Variants in OR10R2 observed in about 807,000 individuals in gnomAD.
OR10R2 encodes the protein olfactory receptor 10R2.
Under a neutral mutation model 2.4 loss-of-function variants are expected in OR10R2, and 1 was observed. The ratio of observed to expected loss-of-function variants is 0.41; its 90% CI spans 0.15 to 1.95. The LOEUF is 1.95. Among genes scored for constraint, OR10R2 ranks in the 30% most tolerant of loss-of-function variants. The probability of loss-of-function intolerance (pLI) is 0.30; values close to 1 mark genes in which losing one functional copy is unlikely to be tolerated. For synonymous variants in OR10R2, 166 were observed against 144.8 expected (o/e 1.15, Z -1.05); for missense variants, 419 against 373.0 (o/e 1.12, Z -1.01).
Position 158,480,385 on chromosome 1 carries a change from ATTGGTGGCTTC to A in OR10R2, c.480_490del (p.Gly161LeufsTer15). ...TGGAAAACTGGCAGCTGCCTGTGCA[ATTGGTGGCTTC>A]TTGGCCTCTCTTACAGTAGTAAATT... On this transcript the variant is annotated frameshift_variant, in exon 2 of 2. Coordinates refer to ENST00000641067, the Ensembl canonical transcript of OR10R2. LOFTEE classifies it low-confidence loss of function (END_TRUNC). 1 of 1,614,100 alleles carries A rather than the reference ATTGGTGGCTTC, an allele frequency of 6.2e-7. No individual in the cohort carries two copies. The highest frequency in any genetic ancestry group is 1.1e-5 in the South Asian group (1 of 91,082).
chr1:158,475,240 A>G (rs1656249168), intron 1 of OR10R2, among the ~76,000 whole-genome samples: 2 of 152,156 alleles, frequency 1.3e-5, no homozygotes, highest in Non-Finnish European at 2.9e-5. Flanking sequence ...ACAATTTTCA[A>G]TTTTTCCCTA....
chr1:158,476,269 TG>T, intron 1 of OR10R2, among the ~76,000 whole-genome samples: 1 of 151,970 alleles, frequency 6.6e-6, no homozygotes, highest in Non-Finnish European at 1.5e-5. Flanking sequence ...TTAAGTAGGC[TG>T]GGCGCAGTGG....
At chr1:158,479,778 G>A (rs964203645) in intron 1 of OR10R2, 160 bp from the exon 2 acceptor site, 2 of 690,500 alleles carry the variant, frequency 2.9e-6, no homozygotes, top group Non-Finnish European at 5.1e-6. Flanking sequence ...GGAAGAAGAG[G>A]ACCATGAACC....
chr1:158,478,588 A>G (rs1237276661), intron 1 of OR10R2, among the ~76,000 whole-genome samples: 3 of 152,120 alleles, frequency 2.0e-5, no homozygotes, highest in African/African-American at 4.8e-5. Flanking sequence ...TCAAACCCCA[A>G]TTTTCATTTT....
intron 1 of OR10R2, among the ~76,000 whole-genome samples, chr1:158,478,665 T>G (rs1656319805): frequency 1.3e-5 from 2 of 152,158 alleles, no homozygotes; most frequent in Non-Finnish European, 2.9e-5. Context: ...GACTCTACAA[T>G]GGACCATGTT....
exon 1 of OR10R2, chr1:158,472,342 G>A (rs747050858): frequency 2.5e-5 from 10 of 398,892 alleles, no homozygotes; most frequent in Non-Finnish European, 4.4e-5. Context: ...ACTGTTCTGG[G>A]GAGCGAAGTA....
Position 158,479,743 on chromosome 1 carries a change from A to T in OR10R2, c.28-195A>T, listed in dbSNP as rs1656344151. On this transcript the variant is annotated intron_variant, in intron 1 of 1. Transcript: ENST00000641067. ...GAGAATCAGAAAGTCAGAGAAAGAG[A>T]TGTAACTTTGTTGACTTTGAAGATG... 3 of 618,332 alleles carry T rather than the reference A, an allele frequency of 4.9e-6. No homozygotes were observed. The South Asian group carries it at 6.1e-5, about 13-fold the overall frequency. 38.3% of individuals were successfully genotyped at this position (618,332 alleles called of 1,614,324 possible). A position where few individuals can be genotyped will look rare whatever the true frequency, so the allele number is the denominator to read the frequency against.
chr1:158,476,311 T>C (rs147672070), intron 1 of OR10R2, among the ~76,000 whole-genome samples: 2,009 of 151,710 alleles, frequency 0.013, 97 homozygotes, highest in East Asian at 0.086. Flanking sequence ...ACTTTGGGAG[T>C]CCGAGGTGGG....
chr1:158,479,222 T>C (rs1299273455), intron 1 of OR10R2, among the ~76,000 whole-genome samples: 1 of 152,174 alleles, frequency 6.6e-6, no homozygotes, highest in Non-Finnish European at 1.5e-5. Flanking sequence ...TGATTTCTTT[T>C]CATATAAATT....
exon 2 of OR10R2, chr1:158,480,689 A>G: frequency 2.5e-6 from 4 of 1,613,696 alleles, no homozygotes; most frequent in Non-Finnish European, 3.4e-6. Flanking sequence ...GTTATTGTTC[A>G]TTATGGCTGT....
intron 1 of OR10R2, among the ~76,000 whole-genome samples, chr1:158,475,525 T>C (rs1656253690): frequency 6.6e-6 from 1 of 151,968 alleles, no homozygotes; most frequent in African/African-American, 2.4e-5. Context: ...TTTTTATATG[T>C]TTGATGCATT....
At chr1:158,479,894 T>G (rs543828261) in intron 1 of OR10R2, 44 bp from the exon 2 acceptor site, 2 of 1,607,644 alleles carry the variant, frequency 1.2e-6, no homozygotes, top group Non-Finnish European at 1.7e-6. Context: ...CAAATTCTTA[T>G]ATTCACATAC....
Position 158,480,863 on chromosome 1 carries a change from G to T in OR10R2, c.953G>T (p.Gly318Val), listed in dbSNP as rs146648216. Reference sequence around the variant, plus strand: ...ATCAGAAAAGTGTTGGGCAAGAAAGGTTCTCTAAAACTATATAATTGAAAT... The same window carrying T: ...ATCAGAAAAGTGTTGGGCAAGAAAGTTTCTCTAAAACTATATAATTGAAAT... The change falls in exon 2 of 2, where the codon GGT becomes GTT. Residue 318 changes from glycine (G) to valine (V), a missense_variant. Transcript: ENST00000641067. The T allele has an allele frequency of 1.4e-4, 207 of 1,501,008 alleles. No individual in the cohort carries two copies. The African/African-American group carries it at 2.2e-3, about 16-fold the overall frequency. 93.0% of individuals were successfully genotyped at this position (1,501,008 alleles called of 1,614,324 possible). A position where few individuals can be genotyped will look rare whatever the true frequency, so the allele number is the denominator to read the frequency against.
chr1:158,475,547 T>C (rs1359899533), intron 1 of OR10R2, among the ~76,000 whole-genome samples: 2 of 151,930 alleles, frequency 1.3e-5, no homozygotes, highest in African/African-American at 4.8e-5. Flanking sequence ...TATTTCTATT[T>C]TATAAACTGT....
chr1:158,479,363 G>A (rs1451292832), intron 1 of OR10R2, among the ~76,000 whole-genome samples: 2 of 152,070 alleles, frequency 1.3e-5, no homozygotes, highest in African/African-American at 4.8e-5. Flanking sequence ...GAACATGGGT[G>A]TTCTTCATTT....
At chr1:158,472,392 T>C in intron 1 of OR10R2, 40 bp downstream of exon 1, 1 of 399,002 alleles carries the variant, frequency 2.5e-6, no homozygotes, top group Non-Finnish European at 4.4e-6. Flanking sequence ...TTTAAGAGAC[T>C]AGCAGGAAGA....
chr1:158,477,591 A>C (rs1349221937), intron 1 of OR10R2, among the ~76,000 whole-genome samples: 6 of 152,148 alleles, frequency 3.9e-5, no homozygotes, highest in African/African-American at 1.2e-4. Flanking sequence ...AAATGCACCT[A>C]ATAAAAGAGG....
chr1:158,475,976 A>G (rs1185565886), intron 1 of OR10R2, among the ~76,000 whole-genome samples: 1 of 152,110 alleles, frequency 6.6e-6, no homozygotes, highest in Non-Finnish European at 1.5e-5. Context: ...TATTTTAAAA[A>G]TCATTAAATT....
At chr1:158,480,345 G>A (rs1199399829) in exon 2 of OR10R2, 1 of 1,613,972 alleles carries the variant, frequency 6.2e-7, no homozygotes, top group Non-Finnish European at 8.5e-7. Context: ...CCACTCTTAT[G>A]AGCTGGCAGG....
Sources: gnomAD v4.1 joint callset for allele counts (sites outside exome capture counted in the v4.1 genomes callset) on GRCh38, gnomAD v4.1.1 for gene constraint, MANE v1.5 for transcripts, NCBI Gene and HGNC (gene_info 2026-07-23, HGNC 2026-07-21) for gene names.